Variants in IL1RAPL1 observed in about 807,000 individuals in gnomAD.
IL1RAPL1 encodes the protein interleukin-1 receptor accessory protein-like 1.
Under a neutral mutation model 48.4 loss-of-function variants are expected in IL1RAPL1, and 3 were observed. The ratio of observed to expected loss-of-function variants is 0.06; its 90% CI spans 0.03 to 0.16. The LOEUF is 0.16. IL1RAPL1 is among the 10% of genes least tolerant of loss of function. The pLI, the probability that IL1RAPL1 is intolerant of heterozygous loss-of-function variation, is 1.00. For synonymous variants in IL1RAPL1, 185 were observed against 187.7 expected (o/e 0.99, Z 0.12); for missense variants, 349 against 530.6 (o/e 0.66, Z 3.36).
At chrX:28,762,823 CAGAGAG>C (rs146402299) in intron 1 of IL1RAPL1, among the ~76,000 whole-genome samples, 9 of 36,789 alleles carry the variant, frequency 2.4e-4, no homozygotes, top group Non-Finnish European at 3.8e-4. Flanking sequence ...CACACACACA[CAGAGAG>C]AGAGAGAGAG....
chrX:29,473,061 A>AG (rs1232086185), intron 5 of IL1RAPL1, among the ~76,000 whole-genome samples: 1 of 111,466 alleles, frequency 9.0e-6, no homozygotes, highest in African/African-American at 3.3e-5. Context: ...TTTGGAGACT[A>AG]GAAGTGTGAG....
chrX:29,470,253 A>G (rs914372736), intron 5 of IL1RAPL1, among the ~76,000 whole-genome samples: 4 of 111,715 alleles, frequency 3.6e-5, no homozygotes, highest in African/African-American at 9.8e-5. Context: ...TCACTCTCCT[A>G]AGTCTCCAAG....
chrX:28,907,488 C>T (rs754880052), intron 2 of IL1RAPL1, among the ~76,000 whole-genome samples: 1 of 112,448 alleles, frequency 8.9e-6, no homozygotes, highest in African/African-American at 3.2e-5. Context: ...CTCCTGACCT[C>T]AAGTGATGCG....
chrX:29,871,878 C>A (rs1322746246), intron 6 of IL1RAPL1, among the ~76,000 whole-genome samples: 10 of 110,433 alleles, frequency 9.1e-5, no homozygotes, highest in African/African-American at 3.3e-4. Context: ...TGCCCACCAC[C>A]ACGCCGGGCT....
intron 3 of IL1RAPL1, among the ~76,000 whole-genome samples, chrX:29,285,396 A>G (rs867248595): frequency 1.9e-5 from 2 of 107,209 alleles, no homozygotes; most frequent in East Asian, 5.9e-4. Context: ...GCCGGGCATG[A>G]TGGTGCATGC....
chrX:29,022,156 G>T (rs771084506), intron 2 of IL1RAPL1, among the ~76,000 whole-genome samples: 2 of 111,134 alleles, frequency 1.8e-5, no homozygotes, highest in East Asian at 5.7e-4. Flanking sequence ...CTATGTGTCT[G>T]AAGCTACAGC....
chrX:29,258,140 T>C (rs1401364689), intron 2 of IL1RAPL1, among the ~76,000 whole-genome samples: 1 of 110,994 alleles, frequency 9.0e-6, no homozygotes, highest in Non-Finnish European at 1.9e-5. Context: ...TATACATGAC[T>C]TATAGCAGGT....
chrX:28,896,459 G>C lies in IL1RAPL1; in HGVS notation c.82+107034G>C, dbSNP rs59612499. Among the ~76,000 whole-genome samples, 1,053 of 111,553 alleles carry C rather than the reference G, an allele frequency of 9.4e-3. 12 individuals carry two copies. The highest frequency in any genetic ancestry group is 0.032 in the African/African-American group (988 of 30,606). ...AAAGAACCTAAACGCTAACTGATTT[G>C]GGAGAGGTCGGATAAAGAAAAAGGA... On this transcript the variant is annotated intron_variant, in intron 2 of 10. Coordinates refer to ENST00000378993, the MANE Select transcript of IL1RAPL1 (RefSeq NM_014271.4).
chrX:29,202,249 T>G (rs1485380437), intron 2 of IL1RAPL1, among the ~76,000 whole-genome samples: 1 of 110,998 alleles, frequency 9.0e-6, no homozygotes, highest in African/African-American at 3.3e-5. Context: ...CAGCCAACAA[T>G]CATGAAAAAA....
intron 9 of IL1RAPL1, among the ~76,000 whole-genome samples, chrX:29,952,256 G>A (rs1209163689): frequency 9.0e-6 from 1 of 111,418 alleles, no homozygotes; most frequent in African/African-American, 3.3e-5. Context: ...CCCAGTTGAG[G>A]GGAGTTTCAA....
At chrX:29,065,895 A>C (rs972943980) in intron 2 of IL1RAPL1, among the ~76,000 whole-genome samples, 1 of 111,921 alleles carries the variant, frequency 8.9e-6, no homozygotes, top group Non-Finnish European at 1.9e-5. Context: ...TTCTTCATCA[A>C]AAACTCCATT....
intron 6 of IL1RAPL1, among the ~76,000 whole-genome samples, chrX:29,916,924 CTTCT>C (rs1458414071): frequency 8.9e-6 from 1 of 111,958 alleles, no homozygotes; most frequent in Admixed American, 9.5e-5. Flanking sequence ...TATGTGTTAG[CTTCT>C]TTAATTCGAA....
chrX:29,727,105 G>T (rs1927791774), intron 6 of IL1RAPL1, among the ~76,000 whole-genome samples: 1 of 111,811 alleles, frequency 8.9e-6, no homozygotes, highest in African/African-American at 3.3e-5. Context: ...TCAGACAAAA[G>T]AAAATGTCTC....
At chrX:29,779,375 A>T (rs1187787447) in intron 6 of IL1RAPL1, among the ~76,000 whole-genome samples, 1 of 111,290 alleles carries the variant, frequency 9.0e-6, no homozygotes, top group Non-Finnish European at 1.9e-5. Context: ...TTATTCCCAG[A>T]CCCATGCTCT....
chrX:28,993,118 G>A (rs1160025122), intron 2 of IL1RAPL1, among the ~76,000 whole-genome samples: 2 of 111,884 alleles, frequency 1.8e-5, no homozygotes, highest in African/African-American at 6.5e-5. Flanking sequence ...GCGAAATTGC[G>A]AGTAAAGGGT....
At chrX:28,923,015 G>A (rs1371469646) in intron 2 of IL1RAPL1, among the ~76,000 whole-genome samples, 2 of 111,153 alleles carry the variant, frequency 1.8e-5, no homozygotes, top group Non-Finnish European at 3.8e-5. Flanking sequence ...GGAAACATTT[G>A]GATTACCCCA....
At chrX:29,357,688 T>C (rs1933323016) in intron 3 of IL1RAPL1, among the ~76,000 whole-genome samples, 1 of 112,065 alleles carries the variant, frequency 8.9e-6, no homozygotes, top group African/African-American at 3.3e-5. Flanking sequence ...ATTCAGTTTG[T>C]AGAGGGGAAA....
rs1156859758 is a variant in IL1RAPL1 at position 28,603,683 on chromosome X, A to G, written c.-25+15636A>G. On this transcript the variant is annotated intron_variant, in intron 1 of 10. Coordinates refer to ENST00000378993, the MANE Select transcript of IL1RAPL1 (RefSeq NM_014271.4). The stretch of plus-strand genomic sequence containing the variant: ...AAAGGAAGGAAAGAAAGGAAGAAGA[A>G]AGGGAGAAAGAAAGAAAAGAAAGAA... Among the ~76,000 whole-genome samples the G allele has an allele frequency of 3.6e-5, 4 of 112,156 alleles. No homozygotes were observed. In the South Asian group the frequency reaches 1.5e-3, roughly 42 times the overall value.
intron 2 of IL1RAPL1, among the ~76,000 whole-genome samples, chrX:29,252,916 T>G (rs1931690905): frequency 9.0e-6 from 1 of 111,399 alleles, no homozygotes; most frequent in African/African-American, 3.3e-5. Flanking sequence ...GGTAGTTTCT[T>G]ATTGATCTGG....
Sources: gnomAD v4.1 joint callset for allele counts (sites outside exome capture counted in the v4.1 genomes callset) on GRCh38, gnomAD v4.1.1 for gene constraint, MANE v1.5 for transcripts, NCBI Gene and HGNC (gene_info 2026-07-23, HGNC 2026-07-21) for gene names.